The following SCUBE2 variants were observed in gnomAD, a reference collection of about 807,000 sequenced individuals.
SCUBE2 encodes signal peptide, CUB domain and EGF like domain containing 2.
A neutral mutation model predicts 125.9 loss-of-function variants in SCUBE2; 114 were observed. That is an observed-to-expected ratio of 0.91 (90% CI 0.78 to 1.06). The LOEUF (loss-of-function observed/expected upper bound fraction) is 1.06. Ranked by LOEUF, SCUBE2 falls within the 50% of genes least tolerant of loss-of-function variation. The probability of loss-of-function intolerance (pLI) is 0.00; values close to 1 mark genes in which losing one functional copy is unlikely to be tolerated. For missense variants in SCUBE2, 1,255 were observed against 1,301.8 expected (o/e 0.96, Z 0.55); for synonymous variants, 459 against 492.9 (o/e 0.93, Z 0.91).
chr11:9,080,535 C>A (rs924710364), intron 2 of SCUBE2, among the ~76,000 whole-genome samples: 8 of 151,674 alleles, frequency 5.3e-5, no homozygotes, highest in Non-Finnish European at 1.0e-4. Context: ...CCTATAGTCC[C>A]AGCTGCTTGG....
chr11:9,054,701 G>GTATATATATATA (rs1210852364), intron 10 of SCUBE2, among the ~76,000 whole-genome samples: 13 of 51,068 alleles, frequency 2.5e-4, no homozygotes, highest in African/African-American at 1.2e-3. Flanking sequence ...AAGCACTAGT[G>GTATATATATATA]TATATATATA....
chr11:9,047,271 G>T, intron 16 of SCUBE2, 85 bp downstream of exon 16: 1 of 1,370,654 alleles, frequency 7.3e-7, no homozygotes, highest in Non-Finnish European at 1.0e-6. Flanking sequence ...GAGAAGGGAG[G>T]ATGGGCCAGA....
At chr11:9,036,205 T>A (rs9667037) in intron 16 of SCUBE2, among the ~76,000 whole-genome samples, 1 of 152,212 alleles carries the variant, frequency 6.6e-6, no homozygotes, top group Non-Finnish European at 1.5e-5. Flanking sequence ...TTTATATTTT[T>A]AAAAAATTAA....
chr11:9,021,008 T>C lies in SCUBE2; in HGVS notation c.*37A>G, dbSNP rs757001005. The C allele has an allele frequency of 1.3e-6, 2 of 1,595,136 alleles. No homozygotes were observed. Among genetic ancestry groups the C allele is most frequent in the Admixed American group, 3.4e-5 (2 of 58,628 alleles). ...AGACAGCTCTGTCCCACCAACCCTA[T>C]AGCAGAACATTTGTATTGAGTGGCA... On this transcript the variant is annotated 3_prime_UTR_variant, in exon 23 of 23. Transcript: ENST00000649792.
At chr11:9,022,162 C>G (rs1855351204) in intron 21 of SCUBE2, 8 of 525,796 alleles carry the variant, frequency 1.5e-5, no homozygotes, top group Non-Finnish European at 2.4e-5. Flanking sequence ...ACCCATCTTC[C>G]CCGTCCCCTC....
At chr11:9,066,659 G>A (rs2135714414) in intron 6 of SCUBE2, 38 bp downstream of exon 6, 2 of 1,518,928 alleles carry the variant, frequency 1.3e-6, no homozygotes, top group Non-Finnish European at 1.8e-6. Flanking sequence ...CAGGCAGGCT[G>A]GTGCAGACCC....
chr11:9,031,454 G>A (rs767961984), intron 17 of SCUBE2, among the ~76,000 whole-genome samples: 21 of 152,058 alleles, frequency 1.4e-4, no homozygotes, highest in Non-Finnish European at 2.5e-4. Flanking sequence ...GCAACATGGC[G>A]AAATCTCTAC....
chr11:9,059,302 C>A lies in SCUBE2; in HGVS notation c.1090+1G>T. ...AGCACAGCTATGTTTTCAGCACATA[C>A]CTTGGCAAGACTTCTCATCTGTTAA... On this transcript the variant is annotated splice_donor_variant, in intron 9 of 22. Transcript: ENST00000649792. LOFTEE classifies it high-confidence loss of function. The A allele has an allele frequency of 6.2e-7, 1 of 1,614,008 alleles. No individual in the cohort carries two copies. The highest frequency in any genetic ancestry group is 8.5e-7 in the Non-Finnish European group (1 of 1,179,968).
chr11:9,033,496 G>T (rs917143445), intron 17 of SCUBE2, 130 bp downstream of exon 17: 1 of 1,021,850 alleles, frequency 9.8e-7, no homozygotes, highest in Non-Finnish European at 1.4e-6. Flanking sequence ...AAGATGAATC[G>T]AGCCAACGTG....
At chr11:9,043,318 A>G (rs1857410751) in intron 16 of SCUBE2, among the ~76,000 whole-genome samples, 1 of 152,174 alleles carries the variant, frequency 6.6e-6, no homozygotes, top group African/African-American at 2.4e-5. Context: ...TATCCAGTGT[A>G]TTTCTTAAAT....
chr11:9,057,816 G>A (rs1013715476), intron 9 of SCUBE2, among the ~76,000 whole-genome samples: 2 of 152,138 alleles, frequency 1.3e-5, no homozygotes, highest in Non-Finnish European at 2.9e-5. Flanking sequence ...TACAGTGTGA[G>A]CCACCACACC....
chr11:9,032,922 G>A (rs976152411), intron 17 of SCUBE2, among the ~76,000 whole-genome samples: 8 of 152,032 alleles, frequency 5.3e-5, no homozygotes, highest in Admixed American at 5.2e-4. Context: ...TATTTAGGTG[G>A]GAAATAAAGC....
intron 14 of SCUBE2, chr11:9,049,992 C>A (rs1858182674): frequency 6.6e-6 from 1 of 152,230 alleles, no homozygotes; most frequent in African/African-American, 2.4e-5. Flanking sequence ...CTCCCTAATA[C>A]ATGAATCCTG....
At chr11:9,051,638 A>C (rs1180809535) in intron 13 of SCUBE2, among the ~76,000 whole-genome samples, 2 of 152,184 alleles carry the variant, frequency 1.3e-5, no homozygotes, top group Non-Finnish European at 2.9e-5. Context: ...TTGTGGTGAG[A>C]ACTTGAGCAA....
intron 9 of SCUBE2, among the ~76,000 whole-genome samples, chr11:9,058,595 C>CAAAAAAAAAAA (rs61409328): frequency 3.4e-4 from 15 of 44,316 alleles, no homozygotes; most frequent in African/African-American, 1.0e-3. Context: ...GACTCTGTCT[C>CAAAAAAAAAAA]AAAAAAAAAA....
chr11:9,053,109 G>A lies in SCUBE2; in HGVS notation c.1437C>T (p.His479=), dbSNP rs765156282. The change falls in exon 12 of 23, where the codon CAC becomes CAT. Residue 479 remains histidine (H), a synonymous_variant. Transcript: ENST00000649792. The part of the protein sequence containing the change: ...GCFLRCHSGI[H]LSSGLQGAYS... ...CTGGGCCCCACTCACCTGAAGAGAGGTGAATGCCAGAGTGACATCTGAGGA... is the reference window on the plus strand; with the variant it reads ...CTGGGCCCCACTCACCTGAAGAGAGATGAATGCCAGAGTGACATCTGAGGA... 4 of 1,613,972 alleles carry A rather than the reference G, an allele frequency of 2.5e-6. No homozygotes were observed. The highest frequency in any genetic ancestry group is 3.4e-6 in the Non-Finnish European group (4 of 1,179,858).
intron 9 of SCUBE2, 34 bp downstream of exon 9, chr11:9,059,269 C>T: frequency 1.2e-6 from 2 of 1,606,638 alleles, no homozygotes; most frequent in Non-Finnish European, 1.7e-6. Context: ...ACCTGTGGGC[C>T]ATTGCGCAGC....
intron 2 of SCUBE2, among the ~76,000 whole-genome samples, chr11:9,080,027 T>G (rs906311164): frequency 3.3e-5 from 5 of 152,114 alleles, no homozygotes; most frequent in African/African-American, 1.2e-4. Flanking sequence ...GAGAACAAAT[T>G]TGGGGGACTT....
intron 16 of SCUBE2, among the ~76,000 whole-genome samples, chr11:9,034,987 G>C (rs1372541970): frequency 2.0e-5 from 3 of 152,018 alleles, no homozygotes; most frequent in Non-Finnish European, 4.4e-5. Flanking sequence ...ACAGAGTGAG[G>C]CTCTGTCTCA....
Sources: gnomAD v4.1 joint callset for allele counts (sites outside exome capture counted in the v4.1 genomes callset) on GRCh38, gnomAD v4.1.1 for gene constraint, MANE v1.5 for transcripts, NCBI Gene and HGNC (gene_info 2026-07-23, HGNC 2026-07-21) for gene names.